Variants in SUPT3H observed in about 807,000 individuals in gnomAD.
The protein encoded by SUPT3H is SPT3 homolog, SAGA and STAGA complex component.
SUPT3H carries 44 observed loss-of-function variants against 44.3 expected under a neutral mutation model. The observed-to-expected ratio is 0.99, with a 90% confidence interval of 0.78 to 1.28. SUPT3H has a LOEUF of 1.28. SUPT3H is among the 50% of genes most tolerant of loss of function. The pLI is 0.00. For missense variants in SUPT3H, 380 were observed against 387.1 expected (o/e 0.98, Z 0.15); for synonymous variants, 124 against 125.6 (o/e 0.99, Z 0.09).
At chr6:45,148,858 A>T (rs575758209) in intron 2 of SUPT3H, among the ~76,000 whole-genome samples, 12 of 152,244 alleles carry the variant, frequency 7.9e-5, no homozygotes, top group South Asian at 2.1e-4. Flanking sequence ...TTCATTGTGT[A>T]ATTCTGAAAT....
chr6:45,363,607 TTAAACATAA>T (rs1293504070), intron 2 of SUPT3H, among the ~76,000 whole-genome samples: 1 of 152,090 alleles, frequency 6.6e-6, no homozygotes, highest in East Asian at 1.9e-4. Flanking sequence ...CTTAGTATTT[TTAAACATAA>T]TTAACATAAC....
chr6:45,036,590 T>C (rs1329220587), intron 3 of SUPT3H, among the ~76,000 whole-genome samples: 1 of 152,140 alleles, frequency 6.6e-6, no homozygotes, highest in Non-Finnish European at 1.5e-5. Context: ...TAAGTTATAA[T>C]AATTCTAAAC....
At chr6:45,128,503 C>CA (rs1168489460) in intron 2 of SUPT3H, among the ~76,000 whole-genome samples, 6 of 12,460 alleles carry the variant, frequency 4.8e-4, no homozygotes, top group Non-Finnish European at 5.9e-4. Flanking sequence ...GACTCTGTCT[C>CA]AAAAAAAAAA....
At chr6:45,312,290 C>T (rs952650298) in intron 2 of SUPT3H, among the ~76,000 whole-genome samples, 2 of 152,038 alleles carry the variant, frequency 1.3e-5, no homozygotes, top group Non-Finnish European at 2.9e-5. Context: ...GTGCAGATCA[C>T]GAGGTCAGGA....
chr6:45,127,485 G>T (rs1802617184), intron 2 of SUPT3H, among the ~76,000 whole-genome samples: 1 of 152,114 alleles, frequency 6.6e-6, no homozygotes, highest in Non-Finnish European at 1.5e-5. Context: ...TAAGAAAAAT[G>T]ATGCACTAAG....
chr6:44,945,744 T>C (rs142212217), intron 9 of SUPT3H, among the ~76,000 whole-genome samples: 222 of 152,278 alleles, frequency 1.5e-3, no homozygotes, highest in African/African-American at 5.1e-3. Context: ...GCCATCTCTA[T>C]AATATAAAAG....
intron 2 of SUPT3H, among the ~76,000 whole-genome samples, chr6:45,202,647 T>C (rs542663931): frequency 2.0e-5 from 3 of 152,100 alleles, no homozygotes; most frequent in Non-Finnish European, 2.9e-5. Flanking sequence ...ACATTATTAC[T>C]ACTCGTACTA....
intron 10 of SUPT3H, among the ~76,000 whole-genome samples, chr6:44,835,437 T>G (rs1455332777): frequency 6.6e-6 from 1 of 150,622 alleles, no homozygotes; most frequent in Non-Finnish European, 1.5e-5. Context: ...CTTCACATCT[T>G]GGGATGTGAG....
chr6:45,324,986 A>G (rs1229230402), intron 2 of SUPT3H, among the ~76,000 whole-genome samples: 2 of 151,904 alleles, frequency 1.3e-5, no homozygotes, highest in Non-Finnish European at 2.9e-5. Flanking sequence ...AGTAGTCAAT[A>G]TAAGGCCAAA....
chr6:45,065,605 C>T (rs1422671873), intron 3 of SUPT3H, among the ~76,000 whole-genome samples: 10 of 151,192 alleles, frequency 6.6e-5, no homozygotes, highest in South Asian at 2.1e-4. Flanking sequence ...CAAATAGACA[C>T]AATAAAAAAT....
chr6:44,888,046 C>T (rs1007418988), intron 10 of SUPT3H, among the ~76,000 whole-genome samples: 13 of 152,110 alleles, frequency 8.5e-5, no homozygotes, highest in South Asian at 2.1e-4. Context: ...ACACATACAC[C>T]CTCCCAAGAC....
chr6:45,338,210 A>G (rs1342264041), intron 2 of SUPT3H, among the ~76,000 whole-genome samples: 1 of 152,030 alleles, frequency 6.6e-6, no homozygotes, highest in African/African-American at 2.4e-5. Flanking sequence ...ATAATTCACA[A>G]TATTATGCTT....
intron 2 of SUPT3H, among the ~76,000 whole-genome samples, chr6:45,292,676 G>A (rs947285251): frequency 4.0e-5 from 6 of 149,168 alleles, no homozygotes; most frequent in Non-Finnish European, 7.4e-5. Context: ...AAGCAAGCAG[G>A]AGTAGCTATT....
intron 2 of SUPT3H, among the ~76,000 whole-genome samples, chr6:45,120,172 A>C: frequency 6.6e-6 from 1 of 152,164 alleles, no homozygotes; most frequent in East Asian, 1.9e-4. Context: ...AAAAAAACAA[A>C]AAACAAACAA....
At chr6:44,941,751 A>G (rs943854180) in intron 9 of SUPT3H, among the ~76,000 whole-genome samples, 1 of 152,192 alleles carries the variant, frequency 6.6e-6, no homozygotes, top group African/African-American at 2.4e-5. Context: ...AGATATAACT[A>G]TACATCAAAT....
chr6:45,099,911 T>C (rs1296287498), intron 3 of SUPT3H, among the ~76,000 whole-genome samples: 1 of 152,126 alleles, frequency 6.6e-6, no homozygotes, highest in African/African-American at 2.4e-5. Flanking sequence ...TCATTTTAGA[T>C]TGTGTGGCTA....
chr6:44,895,815 T>C (rs1764040604), intron 10 of SUPT3H, among the ~76,000 whole-genome samples: 1 of 152,134 alleles, frequency 6.6e-6, no homozygotes, highest in African/African-American at 2.4e-5. Context: ...TAATAGGCTG[T>C]ATAATGTAAA....
intron 3 of SUPT3H, among the ~76,000 whole-genome samples, chr6:45,094,250 C>T (rs1797506528): frequency 6.6e-6 from 1 of 151,924 alleles, no homozygotes; most frequent in South Asian, 2.1e-4. Context: ...TAGCTTAAGT[C>T]AGGGGATAGG....
chr6:45,168,544 C>A (rs1476781546), intron 2 of SUPT3H, among the ~76,000 whole-genome samples: 1 of 152,162 alleles, frequency 6.6e-6, no homozygotes, highest in Non-Finnish European at 1.5e-5. Flanking sequence ...GCAAAATACA[C>A]TTTCTAAAAT....
Sources: allele counts gnomAD v4.1 joint callset (sites outside exome capture counted in the v4.1 genomes callset), GRCh38; gene constraint gnomAD v4.1.1; transcripts MANE v1.5; gene names NCBI Gene and HGNC (gene_info 2026-07-23, HGNC 2026-07-21).